The following SPEM3 variants were observed in gnomAD, a reference collection of about 807,000 sequenced individuals.
SPEM3 encodes SPEM family member 3, also known as uncharacterized protein SPEM3.
chr17:7,430,972 G>C lies in SPEM3; in HGVS notation c.1801G>C (p.Val601Leu), dbSNP rs563115089. ...ACCGTTCACTCTTTCCCTGCCTCTCGTTCCTCCCAGATCCTTTGTCCCTCC... is the reference window on the plus strand; with the variant it reads ...ACCGTTCACTCTTTCCCTGCCTCTCCTTCCTCCCAGATCCTTTGTCCCTCC... ...PPPFTLSLPL[V>L]PPRSFVPPQP... The change falls in exon 3 of 3, where the codon GTT becomes CTT. Residue 601 changes from valine (V) to leucine (L), a missense_variant. Coordinates refer to ENST00000636696, the MANE Select transcript of SPEM3 (RefSeq NM_001364708.1). The C allele has an allele frequency of 1.1e-4, 44 of 398,676 alleles. No individual in the cohort carries two copies. In the East Asian group the frequency reaches 1.5e-3, roughly 14 times the overall value. The allele number at this position is 398,676 out of a possible 1,614,324, so 24.7% of individuals were successfully genotyped here.
In SPEM3 at chr17:7,429,764, C is replaced by A. The variant is rs1209737207; in HGVS notation, c.593C>A (p.Pro198Gln). Residue 198 changes from proline to glutamine, a missense_variant, in exon 3 of 3, where the codon CCA (proline) becomes CAA (glutamine). By Grantham distance (76) the Pro-to-Gln change is moderately conservative (BLOSUM62 -1). Transcript: ENST00000636696. This position sits in a 1 kb window ranked among gnomAD's most constrained non-coding sequence, Gnocchi z 4.9. ...CCCCAAGAGAGCAAGACTAAGACCC[C>A]AGACTGTGCCCCAGCCGAGGCCCCA... ...HLPQESKTKTPDCAPAEAPAQ... is the reference protein window; with the variant it reads ...HLPQESKTKTQDCAPAEAPAQ... 5 of 399,870 alleles carry A rather than the reference C, an allele frequency of 1.3e-5. No individual in the cohort carries two copies. The highest frequency in any genetic ancestry group is 2.1e-5 in the African/African-American group (1 of 48,552). 24.8% of individuals were successfully genotyped at this position (399,870 alleles called of 1,614,324 possible).
In SPEM3 at chr17:7,432,039, T is replaced by A. The variant is rs941172180; in HGVS notation, c.2868T>A (p.Asp956Glu). 13 of 398,494 alleles carry A rather than the reference T, an allele frequency of 3.3e-5. No individual in the cohort carries two copies. The highest frequency in any genetic ancestry group is 5.8e-5 in the Non-Finnish European group (13 of 226,086). 24.7% of individuals were successfully genotyped at this position (398,494 alleles called of 1,614,324 possible). Residue 956 changes from aspartate (D) to glutamate (E), a missense_variant, in exon 3 of 3, where the codon GAT (aspartate) becomes GAA (glutamate). Coordinates refer to ENST00000636696, the MANE Select transcript of SPEM3 (RefSeq NM_001364708.1). This position sits in a 1 kb window ranked among gnomAD's most constrained non-coding sequence, Gnocchi z 4.1. Reference protein sequence around the residue: ...KVERRFSLPQDVGVYRSSEHS... With the variant: ...KVERRFSLPQEVGVYRSSEHS... ...AAAGAAGATTTAGCCTTCCCCAAGA[T>A]GTTGGAGTTTACAGGAGCTCAGAAC...
Position 7,430,610 on chromosome 17 carries a change from T to A in SPEM3, c.1439T>A (p.Phe480Tyr). ...EYSRKDLATL[F>Y]RPQEGQDLVS... ...TCAAGAAAAGACTTGGCTACCCTCTTCAGGCCCCAAGAGGGTCAGGACCTG... is the reference window on the plus strand; with the variant it reads ...TCAAGAAAAGACTTGGCTACCCTCTACAGGCCCCAAGAGGGTCAGGACCTG... Residue 480 changes from phenylalanine (F) to tyrosine (Y), a missense_variant, in exon 3 of 3, where the codon TTC (phenylalanine) becomes TAC (tyrosine). Transcript: ENST00000636696. The A allele has an allele frequency of 2.5e-6, 1 of 398,710 alleles. No individual in the cohort carries two copies. The highest frequency in any genetic ancestry group is 1.3e-4 in the South Asian group (1 of 7,866). The allele number at this position is 398,710 out of a possible 1,614,324, so 24.7% of individuals were successfully genotyped here.
rs995724301 is a variant in SPEM3, at chr17:7,432,518, G to A, written c.3347G>A (p.Arg1116His). 2.8e-5 allele frequency: 11 copies of A among 398,710 alleles called. No homozygotes were observed. In the South Asian group the frequency reaches 8.9e-4, roughly 32 times the overall value. The allele number at this position is 398,710 out of a possible 1,614,324, so 24.7% of individuals were successfully genotyped here. A position where few individuals can be genotyped will look rare whatever the true frequency, so the allele number is the denominator to read the frequency against. The change falls in exon 3 of 3, where the codon CGC (arginine) becomes CAC (histidine). Residue 1116 changes from arginine to histidine, a missense_variant. Arg to His is a conservative substitution (Grantham distance 29). Coordinates refer to ENST00000636696, the MANE Select transcript of SPEM3 (RefSeq NM_001364708.1). This position sits in a 1 kb window ranked among gnomAD's most constrained non-coding sequence, Gnocchi z 4.1. The part of the protein sequence containing the change: ...WRAGSQHGAY[R>H]PVDTVPSGYQ... The stretch of plus-strand genomic sequence containing the variant: ...GCAGGCAGCCAGCACGGGGCGTACC[G>A]CCCTGTGGATACAGTTCCTTCAGGC...
chr17:7,431,971 C>G lies in SPEM3; in HGVS notation c.2800C>G (p.Gln934Glu), dbSNP rs1163927294. The change falls in exon 3 of 3, where the codon CAA (glutamine) becomes GAA (glutamate). Residue 934 changes from glutamine to glutamate, a missense_variant. Physicochemically the swap from Gln to Glu is conservative, Grantham distance 29 (BLOSUM62 2). Transcript: ENST00000636696. ...TGGCCACAAAGTTAAAGGCCTTACTCAAGATTCCAACCTCCCAAGCCTTAC... is the reference window on the plus strand; with the variant it reads ...TGGCCACAAAGTTAAAGGCCTTACTGAAGATTCCAACCTCCCAAGCCTTAC... ...CGGHKVKGLT[Q>E]DSNLPSLTQA... is the part of the protein sequence containing the mutation. The G allele has an allele frequency of 2.5e-6, 1 of 398,456 alleles. No homozygotes were observed. Among genetic ancestry groups the G allele is most frequent in the Non-Finnish European group, 4.4e-6 (1 of 226,064 alleles). The allele number at this position is 398,456 out of a possible 1,614,324, so 24.7% of individuals were successfully genotyped here. A position where few individuals can be genotyped will look rare whatever the true frequency, so the allele number is the denominator to read the frequency against.
Position 7,431,616 on chromosome 17 carries a change from G to T in SPEM3, c.2445G>T (p.Glu815Asp). ...GIYRNLEPNQETVIYKNQDLS... is the reference protein window; with the variant it reads ...GIYRNLEPNQDTVIYKNQDLS... ...ATAGGAATCTTGAACCAAACCAAGAGACTGTGATCTACAAAAATCAAGATC... is the reference window on the plus strand; with the variant it reads ...ATAGGAATCTTGAACCAAACCAAGATACTGTGATCTACAAAAATCAAGATC... Residue 815 changes from glutamate to aspartate, a missense_variant, in exon 3 of 3, where the codon GAG becomes GAT. By Grantham distance (45) the Glu-to-Asp change is conservative. Coordinates refer to ENST00000636696, the MANE Select transcript of SPEM3 (RefSeq NM_001364708.1). 1 of 398,538 alleles carries T rather than the reference G, an allele frequency of 2.5e-6. No individual in the cohort carries two copies. The highest frequency in any genetic ancestry group is 4.4e-6 in the Non-Finnish European group (1 of 226,062). 24.7% of individuals were successfully genotyped at this position (398,538 alleles called of 1,614,324 possible).
In SPEM3 at chr17:7,429,293, CTTTCTCCTA is replaced by C; in HGVS notation, c.196+48_196+56del. On this transcript the variant is annotated intron_variant, in intron 2 of 2. Transcript: ENST00000636696. The surrounding 1 kb of genome is among the most constrained non-coding windows in gnomAD (Gnocchi z 4.9). ...GCTCCCAGGGATATGGGCCTGTCCC[CTTTCTCCTA>C]TCCCTGGCCCAGTTCTTAGTCCCTA... 2.5e-6 allele frequency: 1 copy of C among 398,568 alleles called. No homozygotes were observed. Among genetic ancestry groups the C allele is most frequent in the Non-Finnish European group, 4.4e-6 (1 of 226,050 alleles). 24.7% of individuals were successfully genotyped at this position (398,568 alleles called of 1,614,324 possible).
At position 7,432,662 on chromosome 17, in the gene SPEM3, T is replaced by A. The variant is rs1907868391; in HGVS notation, c.3491T>A (p.Val1164Glu). The A allele has an allele frequency of 7.5e-6, 3 of 398,538 alleles. No homozygotes were observed. The Admixed American group carries it at 1.3e-4, about 18-fold the overall frequency. The allele number at this position is 398,538 out of a possible 1,614,324, so 24.7% of individuals were successfully genotyped here. Residue 1164 changes from valine (V) to glutamate (E), a missense_variant, in exon 3 of 3, where the codon GTG (valine) becomes GAG (glutamate). Transcript: ENST00000636696. The surrounding 1 kb of genome is among the most constrained non-coding windows in gnomAD (Gnocchi z 4.1). ...VFDARQRRLA[V>E]GKDKCEALSP... ...GATGCCCGTCAGAGACGGTTGGCAG[T>A]GGGCAAGGACAAGTGTGAAGCTCTG...
In SPEM3 at chr17:7,429,803, T is replaced by C. The variant is rs900477387; in HGVS notation, c.632T>C (p.Val211Ala). ...GCCGAGGCCCCAGCTCAGGCCCAGG[T>C]CCACTCCCCAACCCACACTCCTGTG... is the stretch of plus-strand genomic sequence containing the variant. ...APAEAPAQAQ[V>A]HSPTHTPVCT... is the part of the protein sequence containing the mutation. Residue 211 changes from valine (V) to alanine (A), a missense_variant, in exon 3 of 3, where the codon GTC becomes GCC. Physicochemically the swap from Val to Ala is moderately conservative, Grantham distance 64. Coordinates refer to ENST00000636696, the MANE Select transcript of SPEM3 (RefSeq NM_001364708.1). The surrounding 1 kb of genome is among the most constrained non-coding windows in gnomAD (Gnocchi z 4.9). 2 of 399,182 alleles carry C rather than the reference T, an allele frequency of 5.0e-6. No homozygotes were observed. Among genetic ancestry groups the C allele is most frequent in the Non-Finnish European group, 8.8e-6 (2 of 227,070 alleles). 24.7% of individuals were successfully genotyped at this position (399,182 alleles called of 1,614,324 possible).
At position 7,432,275 on chromosome 17, in the gene SPEM3, T is replaced by C. The variant is rs1199750574; in HGVS notation, c.3104T>C (p.Leu1035Ser). The change falls in exon 3 of 3, where the codon TTG (leucine) becomes TCG (serine). Residue 1035 changes from leucine (L) to serine (S), a missense_variant. Physicochemically the swap from Leu to Ser is moderately radical, Grantham distance 145. Transcript: ENST00000636696. The surrounding 1 kb of genome is among the most constrained non-coding windows in gnomAD (Gnocchi z 4.1). ...PALGSDFVQL[L>S]SLLQTPKSTL... ...CTAGGTTCTGATTTTGTCCAGCTTT[T>C]GTCCCTGCTTCAGACCCCAAAGTCC... 5.0e-6 allele frequency: 2 copies of C among 398,656 alleles called. No homozygotes were observed. The highest frequency in any genetic ancestry group is 2.1e-5 in the African/African-American group (1 of 48,646). 24.7% of individuals were successfully genotyped at this position (398,656 alleles called of 1,614,324 possible). A position where few individuals can be genotyped will look rare whatever the true frequency, so the allele number is the denominator to read the frequency against.
chr17:7,430,267 C>T lies in SPEM3; in HGVS notation c.1096C>T (p.Arg366Cys), dbSNP rs138630846. 1.0e-4 allele frequency: 42 copies of T among 410,764 alleles called. No individual in the cohort carries two copies. Among genetic ancestry groups the T allele is most frequent in the African/African-American group, 4.7e-4 (23 of 48,724 alleles). The allele number at this position is 410,764 out of a possible 1,614,324, so 25.4% of individuals were successfully genotyped here. A position where few individuals can be genotyped will look rare whatever the true frequency, so the allele number is the denominator to read the frequency against. The change falls in exon 3 of 3, where the codon CGC (arginine) becomes TGC (cysteine). Residue 366 changes from arginine to cysteine, a missense_variant. Physicochemically the swap from Arg to Cys is radical, Grantham distance 180. Coordinates refer to ENST00000636696, the MANE Select transcript of SPEM3 (RefSeq NM_001364708.1). ...TATCCCAGACCACTCTCATCTAGTCCGCAGCTCCGTTCCTGTCCCAACCTC... is the reference window on the plus strand; with the variant it reads ...TATCCCAGACCACTCTCATCTAGTCTGCAGCTCCGTTCCTGTCCCAACCTC... The part of the protein sequence containing the change: ...AYIPDHSHLV[R>C]SSVPVPTSAP...
chr17:7,430,018 C>G lies in SPEM3; in HGVS notation c.847C>G (p.His283Asp), dbSNP rs1907778836. 4.7e-6 allele frequency: 2 copies of G among 422,228 alleles called. No individual in the cohort carries two copies. The highest frequency in any genetic ancestry group is 7.1e-5 in the East Asian group (2 of 28,232). 26.2% of individuals were successfully genotyped at this position (422,228 alleles called of 1,614,324 possible). The change falls in exon 3 of 3, where the codon CAC becomes GAC. Residue 283 changes from histidine to aspartate, a missense_variant. By Grantham distance (81) the His-to-Asp change is moderately conservative. Transcript: ENST00000636696. The stretch of plus-strand genomic sequence containing the variant: ...TCAGACGCCAGCCCACATCCAAGCT[C>G]ACACCCCAGCCCCTACACCGGCCAA... ...PAQTPAHIQA[H>D]TPAPTPAKAS...
At position 7,431,526 on chromosome 17, in the gene SPEM3, A is replaced by G. The variant is rs1300942565; in HGVS notation, c.2355A>G (p.Lys785=). ...CLTQSPGLHK[K]TPFTQTSDLQ... ...CCCAATCCCCTGGCCTCCACAAGAA[A>G]ACACCATTTACCCAAACTTCTGATC... The change falls in exon 3 of 3, where the codon AAA becomes AAG. Residue 785 remains lysine, a synonymous_variant. Coordinates refer to ENST00000636696, the MANE Select transcript of SPEM3 (RefSeq NM_001364708.1). 2.5e-6 allele frequency: 1 copy of G among 398,414 alleles called. No individual in the cohort carries two copies. The highest frequency in any genetic ancestry group is 4.4e-6 in the Non-Finnish European group (1 of 226,068). 24.7% of individuals were successfully genotyped at this position (398,414 alleles called of 1,614,324 possible). A position where few individuals can be genotyped will look rare whatever the true frequency, so the allele number is the denominator to read the frequency against.
In SPEM3 at chr17:7,431,415, G is replaced by A. The variant is rs943055844; in HGVS notation, c.2244G>A (p.Lys748=). 10 of 398,512 alleles carry A rather than the reference G, an allele frequency of 2.5e-5. No individual in the cohort carries two copies. In the East Asian group the frequency reaches 3.6e-4, roughly 14 times the overall value. The allele number at this position is 398,512 out of a possible 1,614,324, so 24.7% of individuals were successfully genotyped here. The change falls in exon 3 of 3, where the codon AAG becomes AAA. Residue 748 remains lysine (K), a synonymous_variant. Transcript: ENST00000636696. ...PSPSQDFGLH[K]NSGITQDSHP... Reference sequence around the variant, plus strand: ...CTTCTCAAGACTTTGGTCTTCACAAGAATTCAGGCATTACTCAAGATTCCC... The same window carrying A: ...CTTCTCAAGACTTTGGTCTTCACAAAAATTCAGGCATTACTCAAGATTCCC...
At position 7,430,169 on chromosome 17, in the gene SPEM3, A is replaced by C; in HGVS notation, c.998A>C (p.Gln333Pro). The C allele has an allele frequency of 2.4e-6, 1 of 415,598 alleles. No homozygotes were observed. The highest frequency in any genetic ancestry group is 4.2e-6 in the Non-Finnish European group (1 of 236,688). The allele number at this position is 415,598 out of a possible 1,614,324, so 25.7% of individuals were successfully genotyped here. Residue 333 changes from glutamine (Q) to proline (P), a missense_variant, in exon 3 of 3, where the codon CAG (glutamine) becomes CCG (proline). Gln to Pro is a moderately conservative substitution (Grantham distance 76). Transcript: ENST00000636696. Reference sequence around the variant, plus strand: ...CACACCTCAGCCCACTCCCCAGCCCAGGCTCCTATGCCTGTCCCAGCCCAC... The same window carrying C: ...CACACCTCAGCCCACTCCCCAGCCCCGGCTCCTATGCCTGTCCCAGCCCAC... The part of the protein sequence containing the change: ...PEHTSAHSPA[Q>P]APMPVPAHPQ...
rs1273753608 is a variant in SPEM3 at position 7,432,697 on chromosome 17, C to T, written c.3526C>T (p.Arg1176Cys). Residue 1176 changes from arginine to cysteine, a missense_variant, in exon 3 of 3, where the codon CGC becomes TGC. By Grantham distance (180) the Arg-to-Cys change is radical. Transcript: ENST00000636696. The surrounding 1 kb of genome is among the most constrained non-coding windows in gnomAD (Gnocchi z 4.1). ...KDKCEALSPR[R>C]LHQEAPSNSG... ...CAAGTGTGAAGCTCTGTCTCCTAGGCGCCTTCATCAAGAGGCACCCAGCAA... is the reference window on the plus strand; with the variant it reads ...CAAGTGTGAAGCTCTGTCTCCTAGGTGCCTTCATCAAGAGGCACCCAGCAA... 4 of 398,514 alleles carry T rather than the reference C, an allele frequency of 1.0e-5. No homozygotes were observed. The highest frequency in any genetic ancestry group is 8.8e-5 in the Admixed American group (2 of 22,712). 24.7% of individuals were successfully genotyped at this position (398,514 alleles called of 1,614,324 possible). A position where few individuals can be genotyped will look rare whatever the true frequency, so the allele number is the denominator to read the frequency against.
Position 7,432,520 on chromosome 17 carries a change from C to G in SPEM3, c.3349C>G (p.Pro1117Ala). ...AGGCAGCCAGCACGGGGCGTACCGCCCTGTGGATACAGTTCCTTCAGGCTA... is the reference window on the plus strand; with the variant it reads ...AGGCAGCCAGCACGGGGCGTACCGCGCTGTGGATACAGTTCCTTCAGGCTA... ...RAGSQHGAYR[P>A]VDTVPSGYQN... The change falls in exon 3 of 3, where the codon CCT becomes GCT. Residue 1117 changes from proline to alanine, a missense_variant. Physicochemically the swap from Pro to Ala is conservative, Grantham distance 27. Coordinates refer to ENST00000636696, the MANE Select transcript of SPEM3 (RefSeq NM_001364708.1). This position sits in a 1 kb window ranked among gnomAD's most constrained non-coding sequence, Gnocchi z 4.1. 1 of 398,720 alleles carries G rather than the reference C, an allele frequency of 2.5e-6. No homozygotes were observed. The highest frequency in any genetic ancestry group is 4.4e-6 in the Non-Finnish European group (1 of 226,108). The allele number at this position is 398,720 out of a possible 1,614,324, so 24.7% of individuals were successfully genotyped here. A position where few individuals can be genotyped will look rare whatever the true frequency, so the allele number is the denominator to read the frequency against.
Position 7,429,870 on chromosome 17 carries a change from C to T in SPEM3, c.699C>T (p.Thr233=), listed in dbSNP as rs990285328. The T allele has an allele frequency of 1.1e-4, 43 of 404,620 alleles. No individual in the cohort carries two copies. The highest frequency in any genetic ancestry group is 8.5e-4 in the African/African-American group (41 of 48,504). The allele number at this position is 404,620 out of a possible 1,614,324, so 25.1% of individuals were successfully genotyped here. Residue 233 remains threonine (T), a synonymous_variant, in exon 3 of 3, where the codon ACC becomes ACT. Coordinates refer to ENST00000636696, the MANE Select transcript of SPEM3 (RefSeq NM_001364708.1). The surrounding 1 kb of genome is among the most constrained non-coding windows in gnomAD (Gnocchi z 4.9). ...THPWTRSTDH[T]AVHTPAHSWT... ...CCTGGACCCGCTCCACGGACCACAC[C>T]GCTGTGCACACCCCTGCCCACTCCT... is the stretch of plus-strand genomic sequence containing the variant.
rs1171065440 is a variant in SPEM3, at chr17:7,430,994, C to T, written c.1823C>T (p.Pro608Leu). 3 of 398,798 alleles carry T rather than the reference C, an allele frequency of 7.5e-6. No individual in the cohort carries two copies. Among genetic ancestry groups the T allele is most frequent in the African/African-American group, 2.1e-5 (1 of 48,596 alleles). 24.7% of individuals were successfully genotyped at this position (398,798 alleles called of 1,614,324 possible). The change falls in exon 3 of 3, where the codon CCT becomes CTT. Residue 608 changes from proline to leucine, a missense_variant. Pro to Leu is a moderately conservative substitution (Grantham distance 98). Transcript: ENST00000636696. ...LPLVPPRSFVPPQPTNHQRPS... is the reference protein window; with the variant it reads ...LPLVPPRSFVLPQPTNHQRPS... ...CTCGTTCCTCCCAGATCCTTTGTCC[C>T]TCCTCAACCCACCAACCATCAGAGG...
Sources: allele counts gnomAD v4.1 joint callset, GRCh38; gene constraint gnomAD v4.1.1; non-coding constraint Gnocchi (gnomAD v3.1); transcripts MANE v1.5; gene names NCBI Gene and HGNC (gene_info 2026-07-23, HGNC 2026-07-21).